C16orf95: variants seen among roughly 807,000 people sequenced by gnomAD.
The protein encoded by C16orf95 is uncharacterized protein C16orf95.
Under a neutral mutation model 32.1 loss-of-function variants are expected in C16orf95, and 41 were observed. The observed-to-expected ratio is 1.28, with a 90% CI of 1.00 to 1.66. The LOEUF (loss-of-function observed/expected upper bound fraction) is 1.66, where lower values mean the gene tolerates loss of function less well. Among genes scored for constraint, C16orf95 ranks in the 40% most tolerant of loss-of-function variants. The pLI, the probability that C16orf95 is intolerant of heterozygous loss-of-function variation, is 0.00. For synonymous variants in C16orf95, 147 were observed against 128.9 expected (o/e 1.14, Z -0.95); for missense variants, 399 against 325.9 (o/e 1.22, Z -1.73).
chr16:87,304,565 C>T (rs1910925465), intron 6 of C16orf95, among the ~76,000 whole-genome samples: 1 of 152,256 alleles, frequency 6.6e-6, no homozygotes, highest in East Asian at 1.9e-4. Context: ...CCAGGTACTG[C>T]TCATGCTCAG....
intron 5 of C16orf95, among the ~76,000 whole-genome samples, chr16:87,307,417 T>C (rs992094271): frequency 3.3e-5 from 5 of 152,064 alleles, no homozygotes; most frequent in African/African-American, 1.2e-4. Flanking sequence ...TATACTTAAC[T>C]ATGAATACAT....
intron 3 of C16orf95, 129 bp downstream of exon 3, chr16:87,314,835 AAATAAAT>A (rs1219487292): frequency 2.3e-6 from 2 of 881,018 alleles, no homozygotes; most frequent in African/African-American, 3.4e-5. Flanking sequence ...GAAAATAAAT[AAATAAAT>A]AATATCAAAC....
rs1405380885 is a variant in C16orf95 at position 87,305,591 on chromosome 16, G to A, written c.701+128C>T. ...CCACAGGACACACTCACAGTGCCGG[G>A]CCTTGGACGCCTGTCAAGTTAAGCC... On this transcript the variant is annotated intron_variant, in intron 6 of 6. Transcript: ENST00000567970. The surrounding 1 kb of genome is among the most constrained non-coding windows in gnomAD (Gnocchi z 4.2). The A allele has an allele frequency of 3.9e-6, 3 of 765,750 alleles. No homozygotes were observed. Among genetic ancestry groups the A allele is most frequent in the East Asian group, 3.3e-5 (1 of 30,084 alleles). The allele number at this position is 765,750 out of a possible 1,614,324, so 47.4% of individuals were successfully genotyped here.
chr16:87,315,655 T>A (rs1904315380), intron 2 of C16orf95, 117 bp downstream of exon 2: 1 of 786,094 alleles, frequency 1.3e-6, no homozygotes, highest in African/African-American at 1.8e-5. Flanking sequence ...AACCACACTT[T>A]TGTGTTTGGA....
At chr16:87,312,016 T>C (rs1488996985) in intron 3 of C16orf95, among the ~76,000 whole-genome samples, 2 of 152,266 alleles carry the variant, frequency 1.3e-5, no homozygotes, top group Admixed American at 1.3e-4. Flanking sequence ...TACACTACCA[T>C]TTGCATTTTT....
Position 87,305,039 on chromosome 16 carries a change from G to C in C16orf95, c.701+680C>G, listed in dbSNP as rs1195238926. On this transcript the variant is annotated intron_variant, in intron 6 of 6. Coordinates refer to ENST00000567970, the MANE Select transcript of C16orf95 (RefSeq NM_001195124.3). The surrounding 1 kb of genome is among the most constrained non-coding windows in gnomAD (Gnocchi z 4.2). ...AAGGAGCTGCACTGGGCAATGAGGA[G>C]GAGGAGGAGAGGAGAGAGGCTTTGC... is the stretch of plus-strand genomic sequence containing the variant. 6.6e-6 allele frequency among the ~76,000 whole-genome samples: 1 copy of C among 152,204 alleles called. No individual in the cohort carries two copies. Among genetic ancestry groups the C allele is most frequent in the Non-Finnish European group, 1.5e-5 (1 of 68,048 alleles).
intron 5 of C16orf95, among the ~76,000 whole-genome samples, chr16:87,308,595 C>A (rs1911132950): frequency 6.6e-6 from 1 of 152,204 alleles, no homozygotes; most frequent in Admixed American, 6.5e-5. Flanking sequence ...AAAACTGTTG[C>A]CGTGACCTCT....
intron 4 of C16orf95, 79 bp from the exon 5 acceptor site, chr16:87,310,412 C>G: frequency 1.4e-6 from 2 of 1,404,392 alleles, no homozygotes; most frequent in Non-Finnish European, 1.9e-6. Context: ...GACTCCAAAC[C>G]TCCAGGAGGG....
intron 1 of C16orf95, 85 bp downstream of exon 1, chr16:87,317,006 G>C (rs1183247301): frequency 7.0e-7 from 1 of 1,428,696 alleles, no homozygotes; most frequent in Non-Finnish European, 9.2e-7. Context: ...AGTTCTGCCT[G>C]TGCATAGGTC....
At chr16:87,304,803 C>T (rs114518144) in intron 6 of C16orf95, among the ~76,000 whole-genome samples, 1 of 152,244 alleles carries the variant, frequency 6.6e-6, no homozygotes. Context: ...GTGACCAAGA[C>T]CGGGCTAAGC....
At chr16:87,309,794 T>A (rs906612513) in intron 5 of C16orf95, among the ~76,000 whole-genome samples, 5 of 152,182 alleles carry the variant, frequency 3.3e-5, no homozygotes, top group Non-Finnish European at 7.4e-5. Context: ...CATGTGAATG[T>A]ACATACACTA....
intron 3 of C16orf95, among the ~76,000 whole-genome samples, chr16:87,311,869 A>G (rs1411395871): frequency 2.6e-5 from 4 of 152,202 alleles, no homozygotes; most frequent in Non-Finnish European, 5.9e-5. Flanking sequence ...CCTTTCAGTA[A>G]GAGACAATAA....
Position 87,305,988 on chromosome 16 carries a change from A to ATTTCCCG in C16orf95, c.515-84_515-83insCGGGAAA. The ATTTCCCG allele has an allele frequency of 2.7e-6, 3 of 1,128,704 alleles. No individual in the cohort carries two copies. Among genetic ancestry groups the ATTTCCCG allele is most frequent in the African/African-American group, 1.6e-5 (1 of 61,038 alleles). 69.9% of individuals were successfully genotyped at this position (1,128,704 alleles called of 1,614,324 possible). On this transcript the variant is annotated intron_variant, in intron 5 of 6. Coordinates refer to ENST00000567970, the MANE Select transcript of C16orf95 (RefSeq NM_001195124.3). The surrounding 1 kb of genome is among the most constrained non-coding windows in gnomAD (Gnocchi z 4.2). Reference sequence around the variant, plus strand: ...ACGAGGAGGCTGCAACACCAGCCCCAGAGCCTCCGGGAAATGGGGACTTCC... The same window carrying ATTTCCCG: ...ACGAGGAGGCTGCAACACCAGCCCCATTTCCCGGAGCCTCCGGGAAATGGGGACTTCC...
At chr16:87,309,519 G>T (rs1911185284) in intron 5 of C16orf95, among the ~76,000 whole-genome samples, 1 of 151,310 alleles carries the variant, frequency 6.6e-6, no homozygotes, top group Non-Finnish European at 1.5e-5. Flanking sequence ...AAGTAGCTGG[G>T]ACTACAGACA....
At chr16:87,316,539 C>A (rs565157575) in intron 1 of C16orf95, among the ~76,000 whole-genome samples, 1 of 152,248 alleles carries the variant, frequency 6.6e-6, no homozygotes, top group East Asian at 1.9e-4. Flanking sequence ...GTAATAGGTT[C>A]ACGCATCAAC....
At chr16:87,312,999 A>G (rs1375888135) in intron 3 of C16orf95, among the ~76,000 whole-genome samples, 1 of 152,224 alleles carries the variant, frequency 6.6e-6, no homozygotes, top group African/African-American at 2.4e-5. Flanking sequence ...GAGCTACAAA[A>G]TATTTATGGG....
chr16:87,316,343 C>T (rs940848160), intron 1 of C16orf95, among the ~76,000 whole-genome samples: 10 of 152,196 alleles, frequency 6.6e-5, no homozygotes, highest in Admixed American at 1.3e-4. Context: ...TGGCTCTTCC[C>T]TGTTCCACTC....
chr16:87,305,654 G>T lies in C16orf95; in HGVS notation c.701+65C>A. ...CTTCCACATCCCTGATGGCCACCAA[G>T]CCTCCCTCAGGTGGACGTCACCATG... On this transcript the variant is annotated intron_variant, in intron 6 of 6. Coordinates refer to ENST00000567970, the MANE Select transcript of C16orf95 (RefSeq NM_001195124.3). The surrounding 1 kb of genome is among the most constrained non-coding windows in gnomAD (Gnocchi z 4.2). The T allele has an allele frequency of 1.4e-6, 2 of 1,383,430 alleles. No homozygotes were observed. Among genetic ancestry groups the T allele is most frequent in the Non-Finnish European group, 1.9e-6 (2 of 1,052,936 alleles). The allele number at this position is 1,383,430 out of a possible 1,614,324, so 85.7% of individuals were successfully genotyped here.
At chr16:87,307,252 T>C (rs1177282887) in intron 5 of C16orf95, among the ~76,000 whole-genome samples, 1 of 152,078 alleles carries the variant, frequency 6.6e-6, no homozygotes, top group Non-Finnish European at 1.5e-5. Context: ...CAAGATCAAG[T>C]CTAGCCTACT....
Sources: gnomAD v4.1 joint callset for allele counts (sites outside exome capture counted in the v4.1 genomes callset) on GRCh38, gnomAD v4.1.1 for gene constraint, Gnocchi (gnomAD v3.1) non-coding constraint, MANE v1.5 for transcripts, NCBI Gene and HGNC (gene_info 2026-07-23, HGNC 2026-07-21) for gene names.